Variants in STK39 observed in about 807,000 individuals in gnomAD.
The protein encoded by STK39 is serine/threonine kinase 39, also known as STE20/SPS1-related proline-alanine-rich protein kinase.
A neutral mutation model predicts 77.8 loss-of-function variants in STK39; 20 were observed. That is an observed-to-expected ratio of 0.26 (90% confidence interval 0.18 to 0.37). The LOEUF (loss-of-function observed/expected upper bound fraction) is 0.37, where lower values mean the gene tolerates loss of function less well. Among genes scored for constraint, STK39 ranks in the 10% least tolerant of loss-of-function variants. The pLI is 1.00. For missense variants in STK39, 479 were observed against 656.5 expected (o/e 0.73, Z 2.95); for synonymous variants, 246 against 234.1 (o/e 1.05, Z -0.47).
chr2:168,109,288 A>G (rs941167057), intron 10 of STK39, among the ~76,000 whole-genome samples: 5 of 152,202 alleles, frequency 3.3e-5, no homozygotes, highest in Admixed American at 3.3e-4. Flanking sequence ...TCTCAAATGT[A>G]TATCCTAAAA....
At chr2:167,987,049 T>C (rs747616390) in intron 16 of STK39, among the ~76,000 whole-genome samples, 5 of 152,176 alleles carry the variant, frequency 3.3e-5, no homozygotes, top group African/African-American at 4.8e-5. Flanking sequence ...CTTATTCCAA[T>C]GTTATTTGAG....
At chr2:168,181,377 A>G (rs1203192011) in intron 2 of STK39, among the ~76,000 whole-genome samples, 2 of 152,100 alleles carry the variant, frequency 1.3e-5, no homozygotes, top group Admixed American at 1.3e-4. Context: ...CCTTCAACCA[A>G]CCATTGCTAC....
At chr2:168,133,664 C>A (rs972731322) in intron 8 of STK39, among the ~76,000 whole-genome samples, 14 of 152,124 alleles carry the variant, frequency 9.2e-5, no homozygotes, top group African/African-American at 3.4e-4. Flanking sequence ...TCAAGAACAG[C>A]CTGGCCAACA....
In STK39 at chr2:168,063,485, A is replaced by G; in HGVS notation, c.1376+15T>C. 1 of 1,605,036 alleles carries G rather than the reference A, an allele frequency of 6.2e-7. No homozygotes were observed. Among genetic ancestry groups the G allele is most frequent in the Non-Finnish European group, 8.5e-7 (1 of 1,175,600 alleles). On this transcript the variant is annotated intron_variant, in intron 14 of 17. Transcript: ENST00000355999. ...ATAGGAAAAACAATGCAGAATAAAC[A>G]ACAGTATTATTTACCTTAATCTCAA... is the stretch of plus-strand genomic sequence containing the variant.
chr2:167,959,205 G>C (rs958072162), intron 17 of STK39, among the ~76,000 whole-genome samples: 1 of 150,142 alleles, frequency 6.7e-6, no homozygotes, highest in Non-Finnish European at 1.5e-5. Flanking sequence ...TGCAACCTCC[G>C]CCTCCCGGGT....
At chr2:168,218,836 C>G (rs570792145) in intron 1 of STK39, among the ~76,000 whole-genome samples, 11 of 152,206 alleles carry the variant, frequency 7.2e-5, no homozygotes, top group Admixed American at 3.9e-4. Context: ...GACAGAAGTT[C>G]ATGCATCCAT....
At chr2:168,101,196 A>AG (rs1220419697) in intron 10 of STK39, among the ~76,000 whole-genome samples, 1 of 152,060 alleles carries the variant, frequency 6.6e-6, no homozygotes, top group Non-Finnish European at 1.5e-5. Context: ...ATCACACACC[A>AG]GGGCTTGTCG....
intron 4 of STK39, among the ~76,000 whole-genome samples, chr2:168,163,190 T>C (rs1439721294): frequency 6.6e-6 from 1 of 152,206 alleles, no homozygotes; most frequent in Non-Finnish European, 1.5e-5. Flanking sequence ...ACTCATATTC[T>C]ATGTGATTTG....
chr2:168,163,516 C>T (rs955893196), intron 4 of STK39: 2 of 836,708 alleles, frequency 2.4e-6, no homozygotes, highest in African/African-American at 3.8e-5. Flanking sequence ...ACTTTTTTCC[C>T]ATCTATTTAG....
chr2:168,047,998 C>T (rs553677585), intron 14 of STK39, among the ~76,000 whole-genome samples: 1 of 152,268 alleles, frequency 6.6e-6, no homozygotes, highest in East Asian at 1.9e-4. Flanking sequence ...GATTACCAGA[C>T]GACGGCACAG....
chr2:168,117,072 G>A (rs1574478204), intron 10 of STK39, among the ~76,000 whole-genome samples: 2 of 152,160 alleles, frequency 1.3e-5, no homozygotes, highest in Admixed American at 6.5e-5. Flanking sequence ...AATACAAAGT[G>A]CATAATTCAC....
At chr2:168,167,255 G>T (rs933299160) in intron 3 of STK39, 44 bp downstream of exon 3, 1 of 1,513,182 alleles carries the variant, frequency 6.6e-7, no homozygotes, top group Non-Finnish European at 9.2e-7. Flanking sequence ...CCAACAAAAG[G>T]AGAGAAAACA....
intron 10 of STK39, among the ~76,000 whole-genome samples, chr2:168,116,738 C>A (rs1687269703): frequency 6.6e-6 from 1 of 152,192 alleles, no homozygotes; most frequent in Non-Finnish European, 1.5e-5. Context: ...GATGATAGAA[C>A]CCTTCCTTTC....
chr2:167,979,368 C>A (rs1240964630), intron 16 of STK39, among the ~76,000 whole-genome samples: 1 of 152,164 alleles, frequency 6.6e-6, no homozygotes, highest in Non-Finnish European at 1.5e-5. Flanking sequence ...TTAATTCAAG[C>A]CATTCTAATA....
At chr2:168,133,867 GA>G (rs897724446) in intron 8 of STK39, among the ~76,000 whole-genome samples, 2 of 144,322 alleles carry the variant, frequency 1.4e-5, no homozygotes, top group African/African-American at 5.1e-5. Context: ...AAAAAAAAAA[GA>G]AAATGACAGA....
chr2:168,213,227 C>T (rs945021837), intron 1 of STK39, among the ~76,000 whole-genome samples: 1 of 152,182 alleles, frequency 6.6e-6, no homozygotes, highest in Admixed American at 6.5e-5. Flanking sequence ...ATACTAAGTG[C>T]TAGAGCACAA....
chr2:168,104,089 G>C (rs1383743259), intron 10 of STK39, among the ~76,000 whole-genome samples: 1 of 152,100 alleles, frequency 6.6e-6, no homozygotes, highest in African/African-American at 2.4e-5. Context: ...AATAGTATAA[G>C]GTCACGTGTA....
chr2:168,023,726 G>A (rs972465465), intron 14 of STK39, among the ~76,000 whole-genome samples: 7 of 152,160 alleles, frequency 4.6e-5, no homozygotes, highest in Admixed American at 2.0e-4. Flanking sequence ...AAGAGCATCA[G>A]AAACAGTAAG....
chr2:168,002,211 A>G (rs1399199708), intron 16 of STK39, among the ~76,000 whole-genome samples: 2 of 152,230 alleles, frequency 1.3e-5, no homozygotes, highest in African/African-American at 4.8e-5. Context: ...ACTCCTAACT[A>G]AATACAAAGT....
Sources: gnomAD v4.1 joint callset for allele counts (sites outside exome capture counted in the v4.1 genomes callset) on GRCh38, gnomAD v4.1.1 for gene constraint, MANE v1.5 for transcripts, NCBI Gene and HGNC (gene_info 2026-07-23, HGNC 2026-07-21) for gene names.